CASQ1: variants seen among roughly 807,000 people sequenced by gnomAD.
The protein encoded by CASQ1 is calsequestrin 1, also known as calsequestrin-1.
Under a neutral mutation model 49.5 loss-of-function variants are expected in CASQ1, and 40 were observed. The observed-to-expected ratio is 0.81, with a 90% CI of 0.63 to 1.05. The LOEUF is 1.05. CASQ1 is among the 50% of genes least tolerant of loss of function. CASQ1 has a pLI of 0.00. For synonymous variants in CASQ1, 174 were observed against 187.2 expected, an observed-to-expected ratio of 0.93 and a Z score of 0.58; for missense variants, 469 against 486.9, an observed-to-expected ratio of 0.96 and a Z score of 0.35.
intron 10 of CASQ1, 113 bp from the exon 11 acceptor site, chr1:160,201,132 A>C: frequency 7.1e-6 from 8 of 1,131,234 alleles, no homozygotes; most frequent in Non-Finnish European, 1.0e-5. Context: ...TTGGCAGATG[A>C]AAGGAAGGGA....
intron 6 of CASQ1, 78 bp from the exon 7 acceptor site, chr1:160,197,491 C>T (rs1654269552): frequency 4.9e-6 from 5 of 1,027,400 alleles, no homozygotes; most frequent in Non-Finnish European, 6.2e-6. Context: ...GACCTAGAGG[C>T]AGCCTTTGCT....
Position 160,190,700 on chromosome 1 carries a change from C to A in CASQ1, c.-52C>A. On this transcript the variant is annotated 5_prime_UTR_variant, in exon 1 of 11. Transcript: ENST00000368078. ...CTGGGACCCAGGGGCCCCTCCCTAC[C>A]CCAGCTAACCTCTTCTGGACCAGGA... 6.4e-7 allele frequency: 1 copy of A among 1,573,156 alleles called. No individual in the cohort carries two copies.
At position 160,190,853 on chromosome 1, in the gene CASQ1, G is replaced by T. The variant is rs779074224; in HGVS notation, c.102G>T (p.Gly34=). ...GGACACCCAAGTCAGGGGTACAGGG[G>T]CAGGAAGGGCTGGACTTCCCTGAGT... ...VLGTPKSGVQ[G]QEGLDFPEYD... The change falls in exon 1 of 11, where the codon GGG becomes GGT. Residue 34 remains glycine, a synonymous_variant. Coordinates refer to ENST00000368078, the MANE Select transcript of CASQ1 (RefSeq NM_001231.5). 2 of 1,614,212 alleles carry T rather than the reference G, an allele frequency of 1.2e-6. No individual in the cohort carries two copies. The highest frequency in any genetic ancestry group is 1.6e-4 in the Middle Eastern group (1 of 6,062).
At position 160,199,070 on chromosome 1, in the gene CASQ1, A is replaced by C; in HGVS notation, c.984+17A>C. ...TTCCCCCTGGTAAGAGGCACAGCTCAGGCACTGCTATCTTAAGGTGGGGCC... is the reference window on the plus strand; with the variant it reads ...TTCCCCCTGGTAAGAGGCACAGCTCCGGCACTGCTATCTTAAGGTGGGGCC... On this transcript the variant is annotated intron_variant, in intron 9 of 10. Transcript: ENST00000368078. The C allele has an allele frequency of 7.1e-7, 1 of 1,414,050 alleles. No individual in the cohort carries two copies. The highest frequency in any genetic ancestry group is 1.1e-5 in the South Asian group (1 of 87,052). The allele number at this position is 1,414,050 out of a possible 1,614,324, so 87.6% of individuals were successfully genotyped here. A position where few individuals can be genotyped will look rare whatever the true frequency, so the allele number is the denominator to read the frequency against.
At chr1:160,196,188 T>C (rs745587902) in intron 6 of CASQ1, among the ~76,000 whole-genome samples, 161 bp downstream of exon 6, 146 of 152,234 alleles carry the variant, frequency 9.6e-4, no homozygotes, top group Admixed American at 2.9e-3. Flanking sequence ...CTGACAATTT[T>C]GCACAATATT....
At chr1:160,194,459 CCCAT>C (rs1215091978) in intron 3 of CASQ1, among the ~76,000 whole-genome samples, 1 of 148,200 alleles carries the variant, frequency 6.7e-6, no homozygotes, top group African/African-American at 2.5e-5. Flanking sequence ...ACCACACACA[CCCAT>C]CCATACACAC....
In CASQ1 at chr1:160,190,807, T is replaced by A; in HGVS notation, c.56T>A (p.Leu19Gln). The A allele has an allele frequency of 1.2e-6, 2 of 1,614,172 alleles. No individual in the cohort carries two copies. The highest frequency in any genetic ancestry group is 1.7e-6 in the Non-Finnish European group (2 of 1,180,016). ...PRAVPGLRLA[L>Q]LLLLVLGTPK... ...GCTGTGCCGGGTCTGCGGCTGGCAC[T>A]GCTGTTGCTGCTGGTGCTAGGGACA... Residue 19 changes from leucine to glutamine, a missense_variant, in exon 1 of 11, where the codon CTG becomes CAG. Leu to Gln is a moderately radical substitution (Grantham distance 113). Coordinates refer to ENST00000368078, the MANE Select transcript of CASQ1 (RefSeq NM_001231.5).
Position 160,199,841 on chromosome 1 carries a change from C to CTGTA in CASQ1, c.985-9_985-8insGTAT. ...ATCTATTAAGTTGCTGTATTTTGAT[C>CTGTA]TCTCTACAGCTGGTCCCATACTGGG... On this transcript the variant is annotated splice_polypyrimidine_tract_variant and intron_variant, in intron 9 of 10. Coordinates refer to ENST00000368078, the MANE Select transcript of CASQ1 (RefSeq NM_001231.5). The CTGTA allele has an allele frequency of 6.3e-7, 1 of 1,594,760 alleles. No homozygotes were observed. The highest frequency in any genetic ancestry group is 8.6e-7 in the Non-Finnish European group (1 of 1,162,306).
chr1:160,191,086 C>T, intron 1 of CASQ1, 56 bp downstream of exon 1: 1 of 1,572,090 alleles, frequency 6.4e-7, no homozygotes, highest in Non-Finnish European at 8.7e-7. Context: ...TCCGGAATCC[C>T]CTATCCTACA....
In CASQ1 at chr1:160,201,404, A is replaced by T; in HGVS notation, c.*28A>T. 1 of 1,612,302 alleles carries T rather than the reference A, an allele frequency of 6.2e-7. No individual in the cohort carries two copies. Among genetic ancestry groups the T allele is most frequent in the Non-Finnish European group, 8.5e-7 (1 of 1,179,020 alleles). ...GCTATGGCAACCATCTTTCAGCCCC[A>T]CTGGTCTTTTCATGCTCTCTCCTGC... On this transcript the variant is annotated 3_prime_UTR_variant, in exon 11 of 11. Transcript: ENST00000368078.
At chr1:160,197,696 T>G in intron 7 of CASQ1, 82 bp downstream of exon 7, 2 of 950,400 alleles carry the variant, frequency 2.1e-6, no homozygotes, top group South Asian at 2.6e-5. Flanking sequence ...CCCACCCTAC[T>G]GCTCCTCAGG....
At chr1:160,192,942 AG>A in intron 2 of CASQ1, 56 bp downstream of exon 2, 1 of 1,414,976 alleles carries the variant, frequency 7.1e-7, no homozygotes, top group Non-Finnish European at 1.0e-6. Flanking sequence ...GGGGAGGCTT[AG>A]GGCGGAGGAC....
chr1:160,193,910 T>C, intron 3 of CASQ1, 63 bp downstream of exon 3: 1 of 996,316 alleles, frequency 1.0e-6, no homozygotes, highest in South Asian at 1.3e-5. Context: ...CCCTAGTCCC[T>C]ACCAACCCCA....
chr1:160,192,553 G>C (rs1654101552), intron 1 of CASQ1: 1 of 450,586 alleles, frequency 2.2e-6, no homozygotes. Context: ...AGTATTGAGT[G>C]CAGTGTCTTC....
chr1:160,201,436 T>C lies in CASQ1; in HGVS notation c.*60T>C. ...TTTTCATGCTCTCTCCTGCCTTCCC[T>C]TGTCCTTCCCTGAGTTCCTCCAGGG... On this transcript the variant is annotated 3_prime_UTR_variant, in exon 11 of 11. Transcript: ENST00000368078. 1 of 1,586,820 alleles carries C rather than the reference T, an allele frequency of 6.3e-7. No individual in the cohort carries two copies. Among genetic ancestry groups the C allele is most frequent in the South Asian group, 1.1e-5 (1 of 88,438 alleles).
rs977684121 is a variant in CASQ1 at position 160,195,514 on chromosome 1, T to G, written c.631T>G (p.Phe211Val). 6.2e-7 allele frequency: 1 copy of G among 1,613,946 alleles called. No homozygotes were observed. Among genetic ancestry groups the G allele is most frequent in the Non-Finnish European group, 8.5e-7 (1 of 1,179,978 alleles). ...AEEFHPYIPF[F>V]ATFDSKVAKK... ...GGAGTTTCATCCCTACATCCCCTTC[T>G]TCGCCACCTTCGACAGCAAGGTTCT... The change falls in exon 5 of 11, where the codon TTC becomes GTC. Residue 211 changes from phenylalanine to valine, a missense_variant. Transcript: ENST00000368078.
chr1:160,199,959 C>A, intron 10 of CASQ1, 34 bp downstream of exon 10: 2 of 1,406,232 alleles, frequency 1.4e-6, no homozygotes, highest in Non-Finnish European at 2.0e-6. Flanking sequence ...GGTTGACCCC[C>A]GACTCTACTT....
At chr1:160,198,889 C>T in intron 8 of CASQ1, 64 bp from the exon 9 acceptor site, 1 of 1,200,632 alleles carries the variant, frequency 8.3e-7, no homozygotes, top group Non-Finnish European at 1.2e-6. Context: ...CTCTGCACTC[C>T]TGTTTCACCT....
At position 160,190,772 on chromosome 1, in the gene CASQ1, G is replaced by C. The variant is rs145386265; in HGVS notation, c.21G>C (p.Met7Ile). The change falls in exon 1 of 11, where the codon ATG becomes ATC. Residue 7 changes from methionine (M) to isoleucine (I), a missense_variant. Met to Ile is a conservative substitution (Grantham distance 10). Coordinates refer to ENST00000368078, the MANE Select transcript of CASQ1 (RefSeq NM_001231.5). MSATDR[M>I]GPRAVPGLRL... Reference sequence around the variant, plus strand: ...CCTCCATGAGTGCTACAGACAGGATGGGGCCCAGAGCTGTGCCGGGTCTGC... The same window carrying C: ...CCTCCATGAGTGCTACAGACAGGATCGGGCCCAGAGCTGTGCCGGGTCTGC... 1 of 1,613,910 alleles carries C rather than the reference G, an allele frequency of 6.2e-7. No individual in the cohort carries two copies. Among genetic ancestry groups the C allele is most frequent in the African/African-American group, 1.3e-5 (1 of 74,908 alleles).
Sources: allele counts gnomAD v4.1 joint callset (sites outside exome capture counted in the v4.1 genomes callset), GRCh38; gene constraint gnomAD v4.1.1; transcripts MANE v1.5; gene names NCBI Gene and HGNC (gene_info 2026-07-23, HGNC 2026-07-21).